The following NCKAP5 variants were observed in gnomAD, a reference collection of about 807,000 sequenced individuals.
NCKAP5 encodes the protein NCK associated protein 5.
NCKAP5 carries 92 observed loss-of-function variants against 167.0 expected under a neutral mutation model. That is an observed-to-expected ratio of 0.55 (90% CI 0.47 to 0.66). The LOEUF is 0.66. NCKAP5 is among the 30% of genes least tolerant of loss of function. The pLI is 0.00. For synonymous variants in NCKAP5, 891 were observed against 877.4 expected, an observed-to-expected ratio of 1.02 and a Z score of -0.27; for missense variants, 2,378 against 2,315.0, an observed-to-expected ratio of 1.03 and a Z score of -0.56.
At chr2:132,856,905 T>C (rs1689516025) in intron 11 of NCKAP5, among the ~76,000 whole-genome samples, 1 of 152,140 alleles carries the variant, frequency 6.6e-6, no homozygotes, top group Admixed American at 6.5e-5. Context: ...TTTCAACAGA[T>C]TTTCAGGTTT....
At chr2:132,728,624 G>A (rs1206549054) in intron 18 of NCKAP5, among the ~76,000 whole-genome samples, 192 bp downstream of exon 18, 2 of 152,126 alleles carry the variant, frequency 1.3e-5, no homozygotes, top group Non-Finnish European at 2.9e-5. Context: ...CAGAATAAAA[G>A]TGTCCCAAGA....
At chr2:132,773,369 G>A (rs1682257408) in intron 16 of NCKAP5, among the ~76,000 whole-genome samples, 1 of 152,172 alleles carries the variant, frequency 6.6e-6, no homozygotes, top group East Asian at 1.9e-4. Flanking sequence ...TATATTCTGA[G>A]TTTTAACAGA....
the NCKAP5 span, among the ~76,000 whole-genome samples, chr2:133,622,049 A>G: frequency 6.6e-6 from 1 of 152,194 alleles, no homozygotes; most frequent in Non-Finnish European, 1.5e-5. Flanking sequence ...GATCATCTCA[A>G]TAGACACAGA....
At chr2:133,031,545 T>A (rs2078879688) in intron 6 of NCKAP5, among the ~76,000 whole-genome samples, 1 of 152,146 alleles carries the variant, frequency 6.6e-6, no homozygotes, top group Admixed American at 6.5e-5. Context: ...TTGCAACTTT[T>A]AGGTGAGTCC....
intron 19 of NCKAP5, among the ~76,000 whole-genome samples, chr2:132,712,495 C>CA (rs757421407): frequency 1.3e-5 from 2 of 151,878 alleles, no homozygotes; most frequent in Admixed American, 6.6e-5. Flanking sequence ...ACTAAAAATA[C>CA]AAAAAAATTA....
At chr2:133,237,413 TAA>T (rs1490461960) in intron 4 of NCKAP5, among the ~76,000 whole-genome samples, 2 of 152,230 alleles carry the variant, frequency 1.3e-5, no homozygotes, top group Admixed American at 1.3e-4. Flanking sequence ...TAAAAAAGGC[TAA>T]AGTTTTAGAA....
intron 11 of NCKAP5, among the ~76,000 whole-genome samples, chr2:132,856,347 C>T (rs1155820): frequency 6.6e-6 from 1 of 151,310 alleles, no homozygotes; most frequent in Non-Finnish European, 1.5e-5. Flanking sequence ...AAAAAAAAAG[C>T]GGAACAAGTA....
At chr2:133,584,262 C>T in the NCKAP5 span, among the ~76,000 whole-genome samples, 3 of 152,148 alleles carry the variant, frequency 2.0e-5, no homozygotes, top group Non-Finnish European at 2.9e-5. Context: ...TAAGAAAGCT[C>T]TGCACTTTTC....
intron 3 of NCKAP5, among the ~76,000 whole-genome samples, chr2:133,489,750 C>T (rs1575050018): frequency 6.6e-6 from 1 of 152,300 alleles, no homozygotes; most frequent in East Asian, 1.9e-4. Flanking sequence ...GTGGAGCACT[C>T]AGTCAATCTG....
At chr2:133,047,083 A>C (rs1282255252) in intron 6 of NCKAP5, among the ~76,000 whole-genome samples, 1 of 152,212 alleles carries the variant, frequency 6.6e-6, no homozygotes, top group East Asian at 1.9e-4. Flanking sequence ...TACCTTAGTA[A>C]ATTCAATGAC....
chr2:133,385,408 T>A (rs1686871514), intron 3 of NCKAP5, among the ~76,000 whole-genome samples: 1 of 152,218 alleles, frequency 6.6e-6, no homozygotes, highest in South Asian at 2.1e-4. Context: ...CACTTGATCA[T>A]GGTGGATAAG....
chr2:133,041,815 C>T (rs16846041), intron 6 of NCKAP5, among the ~76,000 whole-genome samples: 11,415 of 152,186 alleles, frequency 0.075, 1,426 homozygotes, highest in African/African-American at 0.26. Flanking sequence ...CTTTCTAACA[C>T]CTTTAGCCAC....
intron 6 of NCKAP5, among the ~76,000 whole-genome samples, chr2:133,033,945 A>G (rs948659530): frequency 2.6e-5 from 4 of 152,184 alleles, no homozygotes; most frequent in African/African-American, 9.7e-5. Context: ...ATAGGAGTAG[A>G]AAGTTTATTC....
intron 6 of NCKAP5, among the ~76,000 whole-genome samples, chr2:133,011,706 CAGA>C (rs1159449101): frequency 6.6e-6 from 1 of 152,188 alleles, no homozygotes; most frequent in Non-Finnish European, 1.5e-5. Flanking sequence ...CACATCAATA[CAGA>C]AGAAGGAGCT....
chr2:133,201,353 C>A (rs1416546042), intron 5 of NCKAP5, among the ~76,000 whole-genome samples: 1 of 152,120 alleles, frequency 6.6e-6, no homozygotes, highest in Admixed American at 6.6e-5. Context: ...ATAGAAATGG[C>A]AGCTACTGAA....
chr2:133,603,241 T>G, the NCKAP5 span, among the ~76,000 whole-genome samples: 1 of 151,434 alleles, frequency 6.6e-6, no homozygotes, highest in Admixed American at 6.6e-5. Context: ...TTTTTTTTTT[T>G]TTAAGACAGA....
chr2:133,272,402 T>TA (rs2089553932), intron 4 of NCKAP5, among the ~76,000 whole-genome samples: 1 of 152,160 alleles, frequency 6.6e-6, no homozygotes, highest in Non-Finnish European at 1.5e-5. Context: ...AAATAGATTT[T>TA]AAAAATAGGA....
chr2:132,789,760 T>G (rs1252763516), intron 13 of NCKAP5, among the ~76,000 whole-genome samples: 1 of 152,216 alleles, frequency 6.6e-6, no homozygotes, highest in East Asian at 1.9e-4. Context: ...AAAGGAAATC[T>G]TGGCATGTAT....
intron 8 of NCKAP5, among the ~76,000 whole-genome samples, chr2:132,942,752 A>G (rs1380243038): frequency 6.6e-6 from 1 of 152,224 alleles, no homozygotes; most frequent in Non-Finnish European, 1.5e-5. Context: ...CGCTACATCA[A>G]GCAAAATTCA....
Sources: gnomAD v4.1 joint callset for allele counts (sites outside exome capture counted in the v4.1 genomes callset) on GRCh38, gnomAD v4.1.1 for gene constraint, MANE v1.5 for transcripts, NCBI Gene and HGNC (gene_info 2026-07-23, HGNC 2026-07-21) for gene names.